Variants in TTLL5 observed in about 807,000 individuals in gnomAD.
TTLL5 encodes the protein tubulin polyglutamylase TTLL5.
TTLL5 carries 132 observed loss-of-function variants against 168.4 expected under a neutral mutation model. The observed-to-expected ratio is 0.78, with a 90% CI of 0.68 to 0.91. TTLL5 has a LOEUF of 0.91. TTLL5 is among the 40% of genes least tolerant of loss of function. The pLI is 0.00. For missense variants in TTLL5, 1,545 were observed against 1,581.5 expected (o/e 0.98, Z 0.39); for synonymous variants, 546 against 558.6 (o/e 0.98, Z 0.32).
At chr14:75,868,921 G>A (rs1172190791) in intron 29 of TTLL5, among the ~76,000 whole-genome samples, 1 of 151,846 alleles carries the variant, frequency 6.6e-6, no homozygotes, top group South Asian at 2.1e-4. Flanking sequence ...CAAAGAGCAG[G>A]CAAACAGTCT....
intron 28 of TTLL5, among the ~76,000 whole-genome samples, chr14:75,825,892 C>T (rs1245779371): frequency 1.3e-5 from 2 of 152,120 alleles, no homozygotes; most frequent in Non-Finnish European, 2.9e-5. Flanking sequence ...CAGCCAGACA[C>T]GTAACCTCTC....
chr14:75,789,053 A>T (rs1892542572), intron 26 of TTLL5, among the ~76,000 whole-genome samples: 1 of 152,188 alleles, frequency 6.6e-6, no homozygotes, highest in African/African-American at 2.4e-5. Flanking sequence ...GCACTCATTC[A>T]TGATGATAAC....
chr14:75,830,474 G>A (rs1002247617), intron 28 of TTLL5, among the ~76,000 whole-genome samples: 2 of 152,176 alleles, frequency 1.3e-5, no homozygotes, highest in African/African-American at 2.4e-5. Flanking sequence ...GTAAGGTAAA[G>A]CATGTGTTAA....
intron 18 of TTLL5, among the ~76,000 whole-genome samples, chr14:75,755,269 A>AAAAAAT (rs1555343008): frequency 4.2e-5 from 2 of 47,928 alleles, no homozygotes; most frequent in Non-Finnish European, 4.7e-5. Flanking sequence ...CTGTCTCCAA[A>AAAAAAT]AATAATAATA....
At chr14:75,825,002 CTTA>C (rs1220932260) in intron 28 of TTLL5, among the ~76,000 whole-genome samples, 1 of 152,056 alleles carries the variant, frequency 6.6e-6, no homozygotes, top group Non-Finnish European at 1.5e-5. Flanking sequence ...CTAGGTTTGC[CTTA>C]TTAAGTGTGT....
At chr14:75,801,033 C>T (rs967605885) in intron 27 of TTLL5, among the ~76,000 whole-genome samples, 2 of 152,024 alleles carry the variant, frequency 1.3e-5, no homozygotes, top group Admixed American at 6.6e-5. Context: ...GCCCTAAGGT[C>T]GCCTTGGTTA....
intron 5 of TTLL5, among the ~76,000 whole-genome samples, chr14:75,688,028 A>G (rs140360726): frequency 0.013 from 1,994 of 152,250 alleles, 18 homozygotes; most frequent in South Asian, 0.035. Flanking sequence ...CTTGTGAAAT[A>G]TGTAGTTAGT....
intron 12 of TTLL5, among the ~76,000 whole-genome samples, chr14:75,729,194 A>G (rs557291347): frequency 3.3e-5 from 5 of 152,258 alleles, no homozygotes; most frequent in Admixed American, 3.3e-4. Context: ...TCCTTTGAAA[A>G]CACTTGCTCT....
intron 31 of TTLL5, among the ~76,000 whole-genome samples, chr14:75,902,942 T>C (rs114058792): frequency 6.6e-6 from 1 of 152,228 alleles, no homozygotes; most frequent in East Asian, 1.9e-4. Flanking sequence ...TTAAAGGAGA[T>C]AGAAAAGTCA....
intron 30 of TTLL5, among the ~76,000 whole-genome samples, chr14:75,899,789 C>T (rs1314983449): frequency 6.6e-6 from 1 of 151,960 alleles, no homozygotes; most frequent in Non-Finnish European, 1.5e-5. Flanking sequence ...TTGGGGGTTC[C>T]AGAGAGGAGA....
intron 31 of TTLL5, among the ~76,000 whole-genome samples, chr14:75,907,452 G>A (rs777732362): frequency 3.3e-5 from 5 of 152,140 alleles, no homozygotes; most frequent in Non-Finnish European, 7.3e-5. Flanking sequence ...TGCATTAACG[G>A]CACACCTGCC....
chr14:75,712,397 A>G (rs1887146487), intron 9 of TTLL5: 1 of 148,474 alleles, frequency 6.7e-6, no homozygotes, highest in Non-Finnish European at 1.5e-5. Flanking sequence ...GTCAGAAAAT[A>G]TAACTACCAA....
rs138957103 is a variant in TTLL5, at chr14:75,696,819, G to A, written c.503-2369G>A. Among the ~76,000 whole-genome samples the A allele has an allele frequency of 6.1e-3, 930 of 152,232 alleles. 8 individuals carry two copies. The highest frequency in any genetic ancestry group is 0.021 in the African/African-American group (880 of 41,534). On this transcript the variant is annotated intron_variant, in intron 6 of 31. Transcript: ENST00000298832. ...AACGTGTGTATATGAACAGATGGGC[G>A]TATATAACATACATTGCCCTGCACT...
At chr14:75,895,936 G>C (rs1202570643) in intron 30 of TTLL5, among the ~76,000 whole-genome samples, 2 of 152,058 alleles carry the variant, frequency 1.3e-5, no homozygotes, top group African/African-American at 2.4e-5. Context: ...ACAAGTACTG[G>C]GATGGCCTCT....
chr14:75,882,603 C>A (rs1489617112), intron 29 of TTLL5, 82 bp from the exon 30 acceptor site: 31 of 1,263,656 alleles, frequency 2.5e-5, no homozygotes, highest in Non-Finnish European at 3.4e-5. Flanking sequence ...TGCCCCTTGA[C>A]AGGATTACAG....
rs1166506599 is a variant in TTLL5 at position 75,790,946 on chromosome 14, A to AG, written c.2987-1970_2987-1969insG. On this transcript the variant is annotated intron_variant, in intron 26 of 31. Coordinates refer to ENST00000298832, the MANE Select transcript of TTLL5 (RefSeq NM_015072.5). ...CCCATCTCTACTAAAAAAAAAAAAA[A>AG]AAAAGAAAAATTACCCGGGCCTGGT... Among the ~76,000 whole-genome samples the AG allele has an allele frequency of 8.1e-3, 1,212 of 150,124 alleles. 15 individuals carry two copies. Among genetic ancestry groups the AG allele is most frequent in the African/African-American group, 0.028 (1,140 of 41,024 alleles).
chr14:75,771,602 G>C, intron 20 of TTLL5, 132 bp from the exon 21 acceptor site: 1 of 1,298,514 alleles, frequency 7.7e-7, no homozygotes, highest in Non-Finnish European at 1.1e-6. Context: ...TTCACAGGCT[G>C]TAAGATGGGT....
chr14:75,894,120 A>G (rs35800325), intron 30 of TTLL5, among the ~76,000 whole-genome samples: 24 of 152,372 alleles, frequency 1.6e-4, no homozygotes, highest in Admixed American at 6.5e-4. Context: ...CTTTGAGGTC[A>G]GGACAGAAAT....
At chr14:75,934,494 A>G (rs2034375521) in intron 31 of TTLL5, among the ~76,000 whole-genome samples, 1 of 152,202 alleles carries the variant, frequency 6.6e-6, no homozygotes, top group Admixed American at 6.5e-5. Flanking sequence ...AAAACTTTTG[A>G]CATTTAAGAC....
Sources: gnomAD v4.1 joint callset for allele counts (sites outside exome capture counted in the v4.1 genomes callset) on GRCh38, gnomAD v4.1.1 for gene constraint, MANE v1.5 for transcripts, NCBI Gene and HGNC (gene_info 2026-07-23, HGNC 2026-07-21) for gene names.